PTPRE: variants seen among roughly 807,000 people sequenced by gnomAD.
PTPRE encodes protein tyrosine phosphatase receptor type E, also known as receptor-type tyrosine-protein phosphatase epsilon.
PTPRE carries 51 observed loss-of-function variants against 102.0 expected under a neutral mutation model. The observed-to-expected ratio is 0.50, with a 90% CI of 0.40 to 0.63. The LOEUF (loss-of-function observed/expected upper bound fraction) is 0.63. PTPRE is among the 30% of genes least tolerant of loss of function. PTPRE has a pLI of 0.00. For missense variants in PTPRE, 752 were observed against 915.1 expected (o/e 0.82, Z 2.30); for synonymous variants, 345 against 348.2 (o/e 0.99, Z 0.10).
At chr10:128,012,980 C>A (rs1224835886) in intron 2 of PTPRE, among the ~76,000 whole-genome samples, 1 of 152,158 alleles carries the variant, frequency 6.6e-6, no homozygotes, top group Admixed American at 6.6e-5. Context: ...ATCAGCATTT[C>A]TTTAAAAATT....
chr10:128,077,816 G>A, intron 19 of PTPRE, 33 bp downstream of exon 19: 2 of 1,561,700 alleles, frequency 1.3e-6, no homozygotes, highest in Non-Finnish European at 1.7e-6. Flanking sequence ...TCCAGGTGGG[G>A]TGGACACAGG....
intron 8 of PTPRE, 88 bp downstream of exon 8, chr10:128,061,103 G>A: frequency 7.5e-7 from 1 of 1,342,240 alleles, no homozygotes; most frequent in Non-Finnish European, 1.1e-6. Flanking sequence ...AGTGTAAATT[G>A]TCACAACCTT....
At position 128,073,329 on chromosome 10, in the gene PTPRE, A is replaced by G. The variant is rs1403393185; in HGVS notation, c.1465-8A>G. 11 of 1,614,052 alleles carry G rather than the reference A, an allele frequency of 6.8e-6. No individual in the cohort carries two copies. The highest frequency in any genetic ancestry group is 6.8e-6 in the Non-Finnish European group (8 of 1,179,904). On this transcript the variant is annotated splice_polypyrimidine_tract_variant and splice_region_variant and intron_variant, in intron 16 of 20. Transcript: ENST00000254667. The stretch of plus-strand genomic sequence containing the variant: ...GTCAGACTCTAACCTCTGCGCCTCC[A>G]TTTGAAGGGCTACCGACAGAAGGAC...
intron 1 of PTPRE, among the ~76,000 whole-genome samples, chr10:127,918,296 C>T (rs775538614): frequency 3.3e-5 from 5 of 152,068 alleles, no homozygotes; most frequent in Non-Finnish European, 7.4e-5. Flanking sequence ...CAGTGGCTCA[C>T]GCCTGTAATA....
chr10:128,032,084 C>T (rs569100584), intron 2 of PTPRE, among the ~76,000 whole-genome samples: 7 of 152,248 alleles, frequency 4.6e-5, no homozygotes, highest in African/African-American at 1.2e-4. Flanking sequence ...GGCGCAATCT[C>T]GGCTCACTGC....
chr10:127,941,749 A>G (rs1291147252), intron 1 of PTPRE, among the ~76,000 whole-genome samples: 1 of 152,012 alleles, frequency 6.6e-6, no homozygotes, highest in Non-Finnish European at 1.5e-5. Context: ...TTTCTACAAT[A>G]CAACTCCCAC....
intron 18 of PTPRE, among the ~76,000 whole-genome samples, chr10:128,077,338 A>G (rs1161533116): frequency 1.3e-5 from 2 of 152,188 alleles, no homozygotes; most frequent in African/African-American, 2.4e-5. Flanking sequence ...AGAGCTGCCA[A>G]GGATCCCGTA....
chr10:127,968,009 G>GGTGTGTGTGTGT (rs142445895), intron 1 of PTPRE, among the ~76,000 whole-genome samples: 14 of 143,222 alleles, frequency 9.8e-5, no homozygotes, highest in East Asian at 6.2e-4. Context: ...TTGCTCTATA[G>GGTGTGTGTGTGT]GTGTGTGTGT....
chr10:127,992,497 C>A (rs1852777257), intron 2 of PTPRE, among the ~76,000 whole-genome samples: 1 of 152,220 alleles, frequency 6.6e-6, no homozygotes, highest in Admixed American at 6.5e-5. Flanking sequence ...AGCCCAGCAT[C>A]TTGGGCCTCA....
intron 1 of PTPRE, among the ~76,000 whole-genome samples, chr10:127,971,892 G>A (rs1165109355): frequency 2.6e-5 from 4 of 152,168 alleles, no homozygotes; most frequent in Non-Finnish European, 5.9e-5. Context: ...GCAGATTCAG[G>A]TGCAGCATTG....
intron 11 of PTPRE, 93 bp from the exon 12 acceptor site, chr10:128,068,030 A>T: frequency 1.4e-6 from 2 of 1,431,730 alleles, no homozygotes; most frequent in Non-Finnish European, 1.9e-6. Context: ...GCCCCAGCAC[A>T]GGGGAGCCCA....
chr10:127,939,367 C>T (rs12049671), intron 1 of PTPRE, among the ~76,000 whole-genome samples: 22,792 of 152,180 alleles, frequency 0.15, 1,871 homozygotes, highest in East Asian at 0.27. Flanking sequence ...AACACGAGTG[C>T]ATATTAGTTT....
At chr10:127,911,623 G>A (rs529463380) in intron 1 of PTPRE, among the ~76,000 whole-genome samples, 7 of 152,138 alleles carry the variant, frequency 4.6e-5, no homozygotes, top group African/African-American at 1.2e-4. Context: ...CTGCACTTCC[G>A]CCCGATTTCA....
chr10:127,998,800 A>G (rs1053523655), intron 2 of PTPRE: 1 of 152,168 alleles, frequency 6.6e-6, no homozygotes, highest in Non-Finnish European at 1.5e-5. Flanking sequence ...CCGTATTCCC[A>G]GGGAGACTGG....
rs1287936784 is a variant in PTPRE at position 127,907,371 on chromosome 10, C to T, written c.-31+62C>T. The T allele has an allele frequency of 1.0e-6, 1 of 978,688 alleles. No homozygotes were observed. The highest frequency in any genetic ancestry group is 1.2e-6 in the Non-Finnish European group (1 of 824,442). 60.6% of individuals were successfully genotyped at this position (978,688 alleles called of 1,614,324 possible). A position where few individuals can be genotyped will look rare whatever the true frequency, so the allele number is the denominator to read the frequency against. On this transcript the variant is annotated intron_variant, in intron 1 of 20. Coordinates refer to ENST00000254667, the MANE Select transcript of PTPRE (RefSeq NM_006504.6). The surrounding 1 kb of genome is among the most constrained non-coding windows in gnomAD (Gnocchi z 4.8). ...TGGGGAACTGTGCACCCCGGGAGGC[C>T]CAAGCAGGCCGGGGCGCTGCCTCGG... is the stretch of plus-strand genomic sequence containing the variant.
chr10:128,020,095 A>G (rs1845756395), intron 2 of PTPRE, among the ~76,000 whole-genome samples: 1 of 152,002 alleles, frequency 6.6e-6, no homozygotes, highest in Non-Finnish European at 1.5e-5. Flanking sequence ...TGCACGCTGG[A>G]CACAGGGCTG....
intron 1 of PTPRE, among the ~76,000 whole-genome samples, chr10:127,971,659 C>G (rs956176108): frequency 1.3e-5 from 2 of 152,252 alleles, no homozygotes; most frequent in African/African-American, 4.8e-5. Context: ...CAAGGCAGTT[C>G]CTGGGGAAAG....
At chr10:127,991,552 G>A (rs909017397) in intron 2 of PTPRE, among the ~76,000 whole-genome samples, 2 of 152,202 alleles carry the variant, frequency 1.3e-5, no homozygotes, top group African/African-American at 4.8e-5. Flanking sequence ...TCTAGAAAAG[G>A]AGCCTGTCTC....
intron 2 of PTPRE, among the ~76,000 whole-genome samples, chr10:127,992,125 T>C (rs1852729879): frequency 6.6e-6 from 1 of 151,228 alleles, no homozygotes; most frequent in East Asian, 2.0e-4. Context: ...AGCAAGGAGG[T>C]GGCAGGAGGG....
Sources: gnomAD v4.1 joint callset for allele counts (sites outside exome capture counted in the v4.1 genomes callset) on GRCh38, gnomAD v4.1.1 for gene constraint, Gnocchi (gnomAD v3.1) non-coding constraint, MANE v1.5 for transcripts, NCBI Gene and HGNC (gene_info 2026-07-23, HGNC 2026-07-21) for gene names.